PROCR: variants seen among roughly 807,000 people sequenced by gnomAD.
The protein encoded by PROCR is endothelial protein C receptor.
In PROCR, 22 loss-of-function variants were observed where a neutral mutation model predicts 24.2. The ratio of observed to expected loss-of-function variants is 0.91; its 90% CI spans 0.65 to 1.30. The LOEUF (loss-of-function observed/expected upper bound fraction) is 1.30. Ranked by LOEUF, PROCR falls within the 50% of genes most tolerant of loss-of-function variation. The probability of loss-of-function intolerance (pLI) is 0.00; values close to 1 mark genes in which losing one functional copy is unlikely to be tolerated. For synonymous variants in PROCR, 137 were observed against 139.2 expected (o/e 0.98, Z 0.11); for missense variants, 288 against 307.7 (o/e 0.94, Z 0.48).
At chr20:35,182,650 T>C (rs1176810431) in intron 1 of PROCR, among the ~76,000 whole-genome samples, 1 of 152,112 alleles carries the variant, frequency 6.6e-6, no homozygotes, top group Non-Finnish European at 1.5e-5. Flanking sequence ...CAAGATGCAT[T>C]GTATAACTAG....
chr20:35,179,934 A>G (rs2086062042), downstream of PROCR, among the ~76,000 whole-genome samples: 1 of 152,162 alleles, frequency 6.6e-6, no homozygotes, highest in South Asian at 2.1e-4. Context: ...TGTACCATCC[A>G]GTTCTACCTC....
At chr20:35,172,306 A>G (rs1600731683) in intron 1 of PROCR, 82 bp downstream of exon 1, 1 of 1,487,570 alleles carries the variant, frequency 6.7e-7, no homozygotes. Flanking sequence ...ACCACAGGAG[A>G]GCTTATCTCA....
At chr20:35,182,942 C>T (rs2086090456) in intron 1 of PROCR, among the ~76,000 whole-genome samples, 1 of 146,214 alleles carries the variant, frequency 6.8e-6, no homozygotes, top group Admixed American at 7.1e-5. Flanking sequence ...CCACTGCACT[C>T]CAGCCTGGGC....
chr20:35,213,304 T>C (rs1460946193), intron 1 of PROCR, among the ~76,000 whole-genome samples: 2 of 151,868 alleles, frequency 1.3e-5, no homozygotes, highest in Non-Finnish European at 2.9e-5. Flanking sequence ...CTGCACTCCA[T>C]CCTGGGTAAC....
At chr20:35,182,779 C>G (rs923175713) in intron 1 of PROCR, among the ~76,000 whole-genome samples, 8 of 151,970 alleles carry the variant, frequency 5.3e-5, no homozygotes, top group African/African-American at 1.9e-4. Flanking sequence ...TGTTCGAGAC[C>G]AGCCTGGCCA....
At chr20:35,188,676 G>A (rs370851499) in intron 1 of PROCR, among the ~76,000 whole-genome samples, 78 of 152,134 alleles carry the variant, frequency 5.1e-4, no homozygotes, top group Non-Finnish European at 9.7e-4. Context: ...TGGTTGCTCC[G>A]AATATTGGTT....
chr20:35,184,336 ATAATTGGTTAGCCACAGG>A (rs2086104100), intron 1 of PROCR, among the ~76,000 whole-genome samples: 1 of 152,244 alleles, frequency 6.6e-6, no homozygotes, highest in Non-Finnish European at 1.5e-5. Context: ...TGGTGCTGGG[ATAATTGGTTAGCCACAGG>A]TAGAAGAACG....
In PROCR at chr20:35,174,966, G is replaced by C. The variant is rs946513580; in HGVS notation, c.322+13G>C. On this transcript the variant is annotated intron_variant, in intron 2 of 3. Transcript: ENST00000216968. ...CGGACCTTGGCCTGTGAGTAGGCGCGCAGCGGGGGCGGGGTCTGGGCGGGG... is the reference window on the plus strand; with the variant it reads ...CGGACCTTGGCCTGTGAGTAGGCGCCCAGCGGGGGCGGGGTCTGGGCGGGG... 1.4e-6 allele frequency: 2 copies of C among 1,473,754 alleles called. No homozygotes were observed. The highest frequency in any genetic ancestry group is 1.4e-5 in the African/African-American group (1 of 71,144). 91.3% of individuals were successfully genotyped at this position (1,473,754 alleles called of 1,614,324 possible).
intron 1 of PROCR, among the ~76,000 whole-genome samples, chr20:35,187,039 G>A (rs946259687): frequency 1.3e-5 from 2 of 151,602 alleles, no homozygotes; most frequent in Non-Finnish European, 2.9e-5. Context: ...TTCCTTCTTT[G>A]CGCTTCCTCA....
chr20:35,195,924 T>C (rs1328480629), intron 1 of PROCR, among the ~76,000 whole-genome samples: 1 of 151,720 alleles, frequency 6.6e-6, no homozygotes, highest in Non-Finnish European at 1.5e-5. Context: ...CTCATGCCTG[T>C]AAGCTCAGCA....
chr20:35,184,747 C>T (rs1250997482), intron 1 of PROCR, among the ~76,000 whole-genome samples: 2 of 151,986 alleles, frequency 1.3e-5, no homozygotes, highest in African/African-American at 4.8e-5. Flanking sequence ...GGACCTAAAC[C>T]CAAGACCTGA....
chr20:35,199,592 T>G (rs1054742160), intron 1 of PROCR, among the ~76,000 whole-genome samples: 1 of 151,882 alleles, frequency 6.6e-6, no homozygotes, highest in African/African-American at 2.4e-5. Context: ...CTAATAAAAA[T>G]GCAGAAATTG....
At chr20:35,198,766 G>A (rs1408039703) in intron 1 of PROCR, among the ~76,000 whole-genome samples, 1 of 150,574 alleles carries the variant, frequency 6.6e-6, no homozygotes, top group African/African-American at 2.4e-5. Flanking sequence ...CCAGGCTGGT[G>A]TGCAGTGGTG....
intron 1 of PROCR, among the ~76,000 whole-genome samples, chr20:35,199,963 G>C (rs1228631940): frequency 2.0e-5 from 3 of 152,146 alleles, no homozygotes; most frequent in Admixed American, 6.5e-5. Context: ...ACTTTGAGAG[G>C]TTCAAGTCTT....
chr20:35,198,347 A>G (rs2060306434), intron 1 of PROCR, among the ~76,000 whole-genome samples: 1 of 152,180 alleles, frequency 6.6e-6, no homozygotes, highest in African/African-American at 2.4e-5. Flanking sequence ...AAAGTGAAAC[A>G]GTCTTAATGC....
At chr20:35,214,248 A>G (rs2060372596) in intron 1 of PROCR, among the ~76,000 whole-genome samples, 1 of 152,190 alleles carries the variant, frequency 6.6e-6, no homozygotes, top group Non-Finnish European at 1.5e-5. Flanking sequence ...ACACACATGT[A>G]TTCTTTTTTC....
chr20:35,207,508 C>G (rs909059929), intron 1 of PROCR, among the ~76,000 whole-genome samples: 35 of 140,960 alleles, frequency 2.5e-4, no homozygotes, highest in Non-Finnish European at 6.2e-5. Context: ...CTTTCTTGAG[C>G]CTGAAATTAG....
At chr20:35,190,811 G>A (rs1014878068) in intron 1 of PROCR, among the ~76,000 whole-genome samples, 4 of 152,222 alleles carry the variant, frequency 2.6e-5, no homozygotes, top group East Asian at 1.9e-4. Flanking sequence ...CTCTAAAACC[G>A]CATGTGACCG....
At chr20:35,186,869 C>T (rs1327915407) in intron 1 of PROCR, among the ~76,000 whole-genome samples, 4 of 151,426 alleles carry the variant, frequency 2.6e-5, no homozygotes, top group Non-Finnish European at 5.9e-5. Flanking sequence ...AGGAGAATGG[C>T]GTGAACCTGG....
Sources: gnomAD v4.1 joint callset for allele counts (sites outside exome capture counted in the v4.1 genomes callset) on GRCh38, gnomAD v4.1.1 for gene constraint, MANE v1.5 for transcripts, NCBI Gene and HGNC (gene_info 2026-07-23, HGNC 2026-07-21) for gene names.